CSMD1: variants seen among roughly 807,000 people sequenced by gnomAD.
CSMD1 encodes the protein CUB and Sushi multiple domains 1, also known as CUB and sushi domain-containing protein 1.
Under a neutral mutation model 417.5 loss-of-function variants are expected in CSMD1, and 213 were observed. That is an observed-to-expected ratio of 0.51 (90% CI 0.46 to 0.57). The LOEUF (loss-of-function observed/expected upper bound fraction) is 0.57, where lower values mean the gene tolerates loss of function less well. CSMD1 is among the 20% of genes least tolerant of loss of function. CSMD1 has a pLI of 0.00. For missense variants in CSMD1, 6,923 were observed against 4,529.7 expected, an observed-to-expected ratio of 1.53 and a Z score of -15.17; for synonymous variants, 2,862 against 1,736.8, an observed-to-expected ratio of 1.65 and a Z score of -16.11.
Position 2,998,028 on chromosome 8 carries a change from G to A in CSMD1, c.8360C>T (p.Pro2787Leu), listed in dbSNP as rs370586140. 6.2e-7 allele frequency: 1 copy of A among 1,613,884 alleles called. No individual in the cohort carries two copies. Among genetic ancestry groups the A allele is most frequent in the Middle Eastern group, 1.7e-4 (1 of 6,042 alleles). Residue 2787 changes from proline to leucine, a missense_variant, in exon 54 of 70, where the codon CCT (proline) becomes CTT (leucine). Transcript: ENST00000635120. ...GTTCCTACCTCGACACGTGGGCAGA[G>A]GGCTACTCCACTGGCCGTTGCTCCG... ...QCRSNGQWSS[P>L]LPTCRVVNCS...
In CSMD1 at chr8:4,353,420, A is replaced by C. The variant is rs995806930; in HGVS notation, c.415+66533T>G. Among the ~76,000 whole-genome samples, 3 of 152,134 alleles carry C rather than the reference A, an allele frequency of 2.0e-5. No individual in the cohort carries two copies. In the East Asian group the frequency reaches 5.8e-4, roughly 29 times the overall value. On this transcript the variant is annotated intron_variant, in intron 3 of 69. Transcript: ENST00000635120. ...TGAGTCCACTAAACCTCTTTCCTTTATAAATTACCTATTCTCGAGTATGTC... is the reference window on the plus strand; with the variant it reads ...TGAGTCCACTAAACCTCTTTCCTTTCTAAATTACCTATTCTCGAGTATGTC...
At chr8:4,352,264 C>T (rs941619865) in intron 3 of CSMD1, among the ~76,000 whole-genome samples, 2 of 152,204 alleles carry the variant, frequency 1.3e-5, no homozygotes, top group African/African-American at 4.8e-5. Context: ...GAAATGAACT[C>T]ACCTGCTCAT....
chr8:3,256,171 T>C (rs1455974070), intron 26 of CSMD1, among the ~76,000 whole-genome samples: 1 of 151,764 alleles, frequency 6.6e-6, no homozygotes, highest in Non-Finnish European at 1.5e-5. Flanking sequence ...GTACTAAAAA[T>C]ATAAAAATTA....
chr8:3,449,315 C>G (rs1815534225), intron 12 of CSMD1, among the ~76,000 whole-genome samples: 1 of 152,112 alleles, frequency 6.6e-6, no homozygotes, highest in Non-Finnish European at 1.5e-5. Context: ...AAATGTGAAT[C>G]CAAATCAGCA....
chr8:3,904,339 T>C (rs983138214), intron 5 of CSMD1, among the ~76,000 whole-genome samples: 4 of 148,648 alleles, frequency 2.7e-5, no homozygotes, highest in Admixed American at 2.0e-4. Context: ...GTCCTACAAA[T>C]AGAAAATATG....
At chr8:4,477,045 G>T (rs1800839258) in intron 2 of CSMD1, among the ~76,000 whole-genome samples, 1 of 152,326 alleles carries the variant, frequency 6.6e-6, no homozygotes, top group South Asian at 2.1e-4. Context: ...CAGGGCTGGT[G>T]GGACCCCAGC....
chr8:4,273,646 T>A (rs1045174141), intron 3 of CSMD1, among the ~76,000 whole-genome samples: 1 of 152,196 alleles, frequency 6.6e-6, no homozygotes, highest in Admixed American at 6.6e-5. Context: ...GAAACTCTAA[T>A]AGAGAGCAGT....
intron 12 of CSMD1, among the ~76,000 whole-genome samples, chr8:3,442,280 T>C (rs2117066332): frequency 6.6e-6 from 1 of 152,286 alleles, no homozygotes; most frequent in East Asian, 1.9e-4. Flanking sequence ...TAAATAAATG[T>C]ACTGTAGCCT....
intron 3 of CSMD1, among the ~76,000 whole-genome samples, chr8:4,362,375 G>C (rs533341961): frequency 2.0e-5 from 3 of 151,338 alleles, no homozygotes; most frequent in Non-Finnish European, 4.4e-5. Flanking sequence ...ACTCATAGTG[G>C]TCCAGCAGAG....
intron 3 of CSMD1, among the ~76,000 whole-genome samples, chr8:4,307,422 C>G (rs1196210212): frequency 1.3e-5 from 2 of 152,146 alleles, no homozygotes; most frequent in Non-Finnish European, 1.5e-5. Flanking sequence ...CGTATCACAC[C>G]AAGTTGAGAT....
intron 40 of CSMD1, among the ~76,000 whole-genome samples, chr8:3,143,158 TTTTTA>T (rs1818608700): frequency 6.6e-6 from 1 of 152,182 alleles, no homozygotes; most frequent in Non-Finnish European, 1.5e-5. Context: ...GTTTTTTTTG[TTTTTA>T]TTTTGTGTTT....
At chr8:3,188,054 A>C (rs1796167383) in intron 35 of CSMD1, 89 bp from the exon 36 acceptor site, 1 of 704,908 alleles carries the variant, frequency 1.4e-6, no homozygotes, top group Non-Finnish European at 2.4e-6. Flanking sequence ...TTCATGATTA[A>C]GGTGTATATG....
At chr8:3,665,292 G>A (rs1302505247) in intron 7 of CSMD1, among the ~76,000 whole-genome samples, 4 of 152,134 alleles carry the variant, frequency 2.6e-5, no homozygotes, top group African/African-American at 9.7e-5. Context: ...CACTTTAGGA[G>A]GCTGAGGTGG....
intron 17 of CSMD1, among the ~76,000 whole-genome samples, chr8:3,388,257 G>C (rs768204029): frequency 1.2e-4 from 18 of 152,176 alleles, no homozygotes; most frequent in Non-Finnish European, 2.5e-4. Flanking sequence ...TTGCAAGATA[G>C]CTACTATTAG....
intron 5 of CSMD1, among the ~76,000 whole-genome samples, chr8:3,946,412 G>T (rs770404889): frequency 2.6e-5 from 4 of 152,038 alleles, no homozygotes; most frequent in Non-Finnish European, 4.4e-5. Flanking sequence ...GAGCAATCCC[G>T]CATCACCTTG....
intron 1 of CSMD1, among the ~76,000 whole-genome samples, chr8:4,682,748 C>G (rs6558902): frequency 0.66 from 99,808 of 151,066 alleles, 34,188 homozygotes; most frequent in African/African-American, 0.84. Context: ...GCTGTCTTAG[C>G]TTGAAAAAAT....
intron 2 of CSMD1, among the ~76,000 whole-genome samples, chr8:4,464,633 C>G (rs1800045689): frequency 6.6e-6 from 1 of 151,972 alleles, no homozygotes; most frequent in Non-Finnish European, 1.5e-5. Context: ...GGTAAGAGTC[C>G]CAAGTTGAAC....
At chr8:3,144,192 T>A (rs1231291008) in intron 40 of CSMD1, among the ~76,000 whole-genome samples, 1 of 152,180 alleles carries the variant, frequency 6.6e-6, no homozygotes, top group African/African-American at 2.4e-5. Context: ...AAATGTTAGA[T>A]GTTCTGTCTC....
intron 8 of CSMD1, among the ~76,000 whole-genome samples, chr8:3,586,527 G>C (rs748529656): frequency 6.8e-4 from 103 of 152,226 alleles, no homozygotes; most frequent in Non-Finnish European, 1.2e-3. Flanking sequence ...GACTAAGACA[G>C]AATAAAATAG....
Sources: allele counts gnomAD v4.1 joint callset (sites outside exome capture counted in the v4.1 genomes callset), GRCh38; gene constraint gnomAD v4.1.1; transcripts MANE v1.5; gene names NCBI Gene and HGNC (gene_info 2026-07-23, HGNC 2026-07-21).